RARB: variants seen among roughly 807,000 people sequenced by gnomAD.
RARB encodes HBV-activated protein.
In RARB, 17 loss-of-function variants were observed where a neutral mutation model predicts 51.9. The ratio of observed to expected loss-of-function variants is 0.33; its 90% confidence interval spans 0.22 to 0.49. The LOEUF (loss-of-function observed/expected upper bound fraction) is 0.49. RARB is among the 20% of genes least tolerant of loss of function. RARB has a pLI of 0.99. For synonymous variants in RARB, 215 were observed against 195.4 expected (o/e 1.10, Z -0.84); for missense variants, 369 against 550.8 (o/e 0.67, Z 3.30).
intron 5 of RARB, among the ~76,000 whole-genome samples, chr3:25,341,924 A>G (rs1206215702): frequency 6.6e-6 from 1 of 152,190 alleles, no homozygotes; most frequent in Non-Finnish European, 1.5e-5. Context: ...TTCTTTCCCT[A>G]CATAGCATGT....
chr3:25,415,757 T>C (rs888999791), intron 5 of RARB, among the ~76,000 whole-genome samples: 3 of 152,232 alleles, frequency 2.0e-5, no homozygotes, highest in African/African-American at 7.2e-5. Flanking sequence ...TACCAACTTG[T>C]ACATGGCTCT....
At chr3:25,501,711 T>C (rs1697324229) in intron 3 of RARB, among the ~76,000 whole-genome samples, 1 of 152,196 alleles carries the variant, frequency 6.6e-6, no homozygotes, top group African/African-American at 2.4e-5. Context: ...GGCATGAATG[T>C]TAACAGTAGT....
At chr3:25,581,443 G>T (rs1327655761) in intron 5 of RARB, among the ~76,000 whole-genome samples, 3 of 152,194 alleles carry the variant, frequency 2.0e-5, no homozygotes, top group Admixed American at 2.0e-4. Context: ...ACCAGGGAAA[G>T]AGAGGGTGGA....
Position 25,307,215 on chromosome 3 carries a change from G to A in RARB, c.178+132640G>A, listed in dbSNP as rs75125407. 9.9e-3 allele frequency among the ~76,000 whole-genome samples: 1,502 copies of A among 151,968 alleles called. 23 individuals carry two copies. The highest frequency in any genetic ancestry group is 0.034 in the African/African-American group (1,393 of 41,434). ...ACATAGTGAACATATGTGAAACCCC[G>A]TCTCTACTAAAAATACAAAAAATTA... is the stretch of plus-strand genomic sequence containing the variant. On this transcript the variant is annotated intron_variant, in intron 5 of 11. Coordinates refer to the RARB transcript ENST00000383772.
At chr3:24,906,677 T>A (rs768859226) in intron 2 of RARB, among the ~76,000 whole-genome samples, 8 of 151,650 alleles carry the variant, frequency 5.3e-5, no homozygotes, top group Non-Finnish European at 1.2e-4. Flanking sequence ...ACCCTGTCTT[T>A]TCTAAAAATA....
At chr3:24,918,072 A>C (rs930372967) in intron 2 of RARB, among the ~76,000 whole-genome samples, 1 of 152,254 alleles carries the variant, frequency 6.6e-6, no homozygotes, top group African/African-American at 2.4e-5. Flanking sequence ...AAAGGAAAAC[A>C]TACATCCACA....
rs1213148823 is a variant in RARB at position 25,596,551 on chromosome 3, A to G, written c.1282A>G (p.Ser428Gly). The change falls in exon 8 of 8, where the codon AGT (serine) becomes GGT (glycine). Residue 428 changes from serine to glycine, a missense_variant. Around this residue, in one of 9 missense-constraint regions of RARB, gnomAD observed 54 missense variants for 43.4 expected, o/e 1.24. Coordinates refer to ENST00000330688, the MANE Select transcript of RARB (RefSeq NM_000965.5). ...PSSSGNTAEH[S>G]PSISPSSVEN... ...TTCAAGTGGGAACACAGCAGAGCAC[A>G]GTCCTAGCATCTCACCCAGCTCAGT... 1 of 1,613,970 alleles carries G rather than the reference A, an allele frequency of 6.2e-7. No individual in the cohort carries two copies. Among genetic ancestry groups the G allele is most frequent in the South Asian group, 1.1e-5 (1 of 91,070 alleles).
chr3:25,038,615 A>G (rs1163520106), intron 2 of RARB, among the ~76,000 whole-genome samples: 2 of 152,192 alleles, frequency 1.3e-5, no homozygotes, highest in Non-Finnish European at 2.9e-5. Context: ...GCAATTTAGC[A>G]CACACAGTTC....
At chr3:25,011,703 G>A (rs1223782333) in intron 2 of RARB, among the ~76,000 whole-genome samples, 1 of 151,992 alleles carries the variant, frequency 6.6e-6, no homozygotes, top group Non-Finnish European at 1.5e-5. Context: ...TACCTACTCT[G>A]GCAATTACTG....
chr3:25,004,050 C>A (rs944739835), intron 2 of RARB, among the ~76,000 whole-genome samples: 2 of 152,040 alleles, frequency 1.3e-5, no homozygotes, highest in Admixed American at 6.6e-5. Flanking sequence ...GTTTTTCTTA[C>A]CTGAAGTCTA....
chr3:25,494,282 C>G (rs1010380363), intron 2 of RARB, among the ~76,000 whole-genome samples: 5 of 151,768 alleles, frequency 3.3e-5, no homozygotes, highest in African/African-American at 1.2e-4. Context: ...CACACACATG[C>G]CATCATTTAC....
At chr3:25,530,396 T>C (rs1698851241) in intron 3 of RARB, among the ~76,000 whole-genome samples, 1 of 152,238 alleles carries the variant, frequency 6.6e-6, no homozygotes, top group South Asian at 2.1e-4. Context: ...ACAAGTTTAC[T>C]ATCTTGTAGT....
At chr3:25,388,354 G>A (rs1706854193) in intron 5 of RARB, among the ~76,000 whole-genome samples, 2 of 152,092 alleles carry the variant, frequency 1.3e-5, no homozygotes, top group Non-Finnish European at 2.9e-5. Context: ...ATGGTTATAA[G>A]ACTATTATAG....
At chr3:24,925,406 G>T (rs1013863094) in intron 2 of RARB, among the ~76,000 whole-genome samples, 40 of 152,002 alleles carry the variant, frequency 2.6e-4, no homozygotes, top group Non-Finnish European at 7.4e-5. Context: ...ACTTTGGGAG[G>T]CTGAATATGG....
rs529764604 is a variant in RARB at position 25,195,522 on chromosome 3, A to G, written c.178+20947A>G. The stretch of plus-strand genomic sequence containing the variant: ...CAACTTCTGAATTTATTCCAGGTGA[A>G]TTCATCACATCTTATTCCTTTAACT... On this transcript the variant is annotated intron_variant, in intron 5 of 11. Coordinates refer to the RARB transcript ENST00000383772. 5.9e-5 allele frequency among the ~76,000 whole-genome samples: 9 copies of G among 152,166 alleles called. 1 individual carries two copies. The highest frequency in any genetic ancestry group is 1.9e-4 in the African/African-American group (8 of 41,560).
At chr3:25,416,048 G>T (rs1047399873) in intron 5 of RARB, among the ~76,000 whole-genome samples, 1 of 152,060 alleles carries the variant, frequency 6.6e-6, no homozygotes, top group African/African-American at 2.4e-5. Flanking sequence ...CTTAATTATG[G>T]CAACATATTC....
intron 3 of RARB, among the ~76,000 whole-genome samples, chr3:25,523,408 G>A (rs756491531): frequency 4.6e-5 from 7 of 152,150 alleles, no homozygotes; most frequent in East Asian, 1.9e-4. Context: ...GCTGTCATAC[G>A]AGGAAAACAA....
chr3:24,881,732 A>AC (rs1208726794), intron 2 of RARB, among the ~76,000 whole-genome samples: 3 of 152,212 alleles, frequency 2.0e-5, no homozygotes, highest in Admixed American at 6.5e-5. Flanking sequence ...AAATAAGAGC[A>AC]CAATGATGGC....
chr3:25,388,426 A>C (rs1706856083), intron 5 of RARB, among the ~76,000 whole-genome samples: 2 of 152,244 alleles, frequency 1.3e-5, no homozygotes, highest in Admixed American at 6.5e-5. Flanking sequence ...CTTCTTTAAT[A>C]TCAGAGCATT....
Sources: allele counts gnomAD v4.1 joint callset (sites outside exome capture counted in the v4.1 genomes callset), GRCh38; gene constraint gnomAD v4.1.1; regional missense constraint gnomAD v4.1.1; transcripts MANE v1.5; gene names NCBI Gene and HGNC (gene_info 2026-07-23, HGNC 2026-07-21).